UTRN: variants seen among roughly 807,000 people sequenced by gnomAD.
UTRN encodes dystrophin-related protein 1.
A neutral mutation model predicts 463.9 loss-of-function variants in UTRN; 283 were observed. The ratio of observed to expected loss-of-function variants is 0.61; its 90% CI spans 0.55 to 0.67. UTRN has a LOEUF of 0.67. UTRN is among the 30% of genes least tolerant of loss of function. The pLI is 0.00. For missense variants in UTRN, 3,922 were observed against 4,084.3 expected (o/e 0.96, Z 1.08); for synonymous variants, 1,442 against 1,431.5 (o/e 1.01, Z -0.17).
intron 51 of UTRN, among the ~76,000 whole-genome samples, chr6:144,619,314 C>A (rs993747209): frequency 6.6e-6 from 1 of 152,082 alleles, no homozygotes. Flanking sequence ...GTTTTTTATG[C>A]CATCAGGATT....
chr6:144,827,756 A>G (rs1328507739), intron 68 of UTRN, 80 bp downstream of exon 68: 1 of 1,460,634 alleles, frequency 6.8e-7, no homozygotes, highest in Non-Finnish European at 9.4e-7. Flanking sequence ...TATCATTAAT[A>G]TACCTTGATT....
At chr6:144,305,380 G>T (rs1433174285) in intron 2 of UTRN, among the ~76,000 whole-genome samples, 1 of 152,118 alleles carries the variant, frequency 6.6e-6, no homozygotes, top group African/African-American at 2.4e-5. Context: ...ATAAACACTA[G>T]ATTTCTTTAG....
At chr6:144,552,801 G>C (rs545550741) in intron 48 of UTRN, among the ~76,000 whole-genome samples, 59 of 152,056 alleles carry the variant, frequency 3.9e-4, no homozygotes, top group Admixed American at 4.6e-4. Context: ...TGATGTCTTT[G>C]GTTTCATTTG....
chr6:144,794,267 A>G (rs995573167), intron 63 of UTRN, among the ~76,000 whole-genome samples: 47 of 152,180 alleles, frequency 3.1e-4, no homozygotes, highest in Middle Eastern at 3.4e-3. Context: ...CTCATCTCCT[A>G]CCATTCCTCT....
chr6:144,295,777 G>T (rs1185948991), intron 2 of UTRN, among the ~76,000 whole-genome samples: 1 of 152,092 alleles, frequency 6.6e-6, no homozygotes, highest in African/African-American at 2.4e-5. Flanking sequence ...TGCAGATGTG[G>T]TGCTAACAGT....
intron 66 of UTRN, among the ~76,000 whole-genome samples, chr6:144,826,527 A>G (rs1463039999): frequency 6.6e-6 from 1 of 152,052 alleles, no homozygotes; most frequent in African/African-American, 2.4e-5. Flanking sequence ...TTTAATTAGG[A>G]TCAGTTGTTT....
intron 19 of UTRN, among the ~76,000 whole-genome samples, chr6:144,456,066 C>A (rs572322858): frequency 6.6e-6 from 1 of 151,862 alleles, no homozygotes; most frequent in African/African-American, 2.4e-5. Flanking sequence ...ATTAGAGGAC[C>A]CTAATTCTTT....
chr6:144,349,406 ACTCCCAACCAGGAGGATCACAGGAT>A (rs1307340690), intron 2 of UTRN, among the ~76,000 whole-genome samples: 1 of 152,118 alleles, frequency 6.6e-6, no homozygotes, highest in Non-Finnish European at 1.5e-5. Flanking sequence ...TGAGAAGGGG[ACTCCCAACCAGGAGGATCACAGGAT>A]CTCCCAACCA....
chr6:144,809,380 A>G (rs997046746), intron 65 of UTRN, among the ~76,000 whole-genome samples: 1 of 152,136 alleles, frequency 6.6e-6, no homozygotes, highest in Non-Finnish European at 1.5e-5. Flanking sequence ...TAAAAGATGA[A>G]AAGTATATTT....
At chr6:144,352,580 A>C (rs1203521650) in intron 2 of UTRN, among the ~76,000 whole-genome samples, 3 of 152,142 alleles carry the variant, frequency 2.0e-5, no homozygotes, top group South Asian at 4.1e-4. Flanking sequence ...GGAGAATCTT[A>C]TGTTTTATGA....
chr6:144,724,194 G>A (rs1787565015), intron 53 of UTRN, among the ~76,000 whole-genome samples: 1 of 146,302 alleles, frequency 6.8e-6, no homozygotes, highest in African/African-American at 2.5e-5. Flanking sequence ...ACAGAGTTGT[G>A]CACCATTATT....
intron 51 of UTRN, among the ~76,000 whole-genome samples, chr6:144,582,727 GCAGATGAGAATC>G (rs1802086923): frequency 6.6e-6 from 1 of 152,152 alleles, no homozygotes; most frequent in African/African-American, 2.4e-5. Context: ...TTCTAGGCAG[GCAGATGAGAATC>G]CACTGGATCG....
chr6:144,482,357 A>G lies in UTRN; in HGVS notation c.3656A>G (p.Asn1219Ser). ...CTGGAGAATTACCAACTTCTTTGTAATAGAATTCGAGGAAAGTGCCACACG... is the reference window on the plus strand; with the variant it reads ...CTGGAGAATTACCAACTTCTTTGTAGTAGAATTCGAGGAAAGTGCCACACG... Reference protein sequence around the residue: ...VVLENYQLLCNRIRGKCHTLE... With the variant: ...VVLENYQLLCSRIRGKCHTLE... Residue 1219 changes from asparagine to serine, a missense_variant, in exon 27 of 75, where the codon AAT (asparagine) becomes AGT (serine). Physicochemically the swap from Asn to Ser is conservative, Grantham distance 46. Around this residue, in one of 3 missense-constraint regions of UTRN, gnomAD observed 2,349 missense variants for 2,303.8 expected, o/e 1.02. Coordinates refer to ENST00000367545, the MANE Select transcript of UTRN (RefSeq NM_007124.3). The G allele has an allele frequency of 6.3e-7, 1 of 1,598,276 alleles. No homozygotes were observed. Among genetic ancestry groups the G allele is most frequent in the Non-Finnish European group, 8.5e-7 (1 of 1,175,872 alleles).
intron 51 of UTRN, among the ~76,000 whole-genome samples, chr6:144,606,001 T>G (rs1804809030): frequency 6.6e-6 from 1 of 152,214 alleles, no homozygotes; most frequent in South Asian, 2.1e-4. Context: ...TTTAATATAG[T>G]ATATGTTTTG....
intron 24 of UTRN, 99 bp from the exon 25 acceptor site, chr6:144,474,505 C>G: frequency 7.9e-7 from 1 of 1,269,120 alleles, no homozygotes. Context: ...CTTAAGCAGT[C>G]TGCTTGTGTA....
intron 73 of UTRN, among the ~76,000 whole-genome samples, chr6:144,845,671 A>T (rs1337342006): frequency 6.6e-6 from 1 of 152,190 alleles, no homozygotes; most frequent in Non-Finnish European, 1.5e-5. Flanking sequence ...TGTCTGTTTT[A>T]AAAAGAGTGT....
rs1321675825 is a variant in UTRN, at chr6:144,474,900, CA to C, written c.3336+150del. On this transcript the variant is annotated intron_variant, in intron 25 of 74. Transcript: ENST00000367545. ...TCCAGCATGGGTAGTGAGCTGGGGC[CA>C]AAAAAAAAGGCATCATTTTTTAAAT... 1,963 of 838,332 alleles carry C rather than the reference CA, an allele frequency of 2.3e-3. 1 individual carries two copies. Among genetic ancestry groups the C allele is most frequent in the South Asian group, 3.9e-3 (151 of 38,324 alleles). 51.9% of individuals were successfully genotyped at this position (838,332 alleles called of 1,614,324 possible).
chr6:144,562,451 G>A lies in UTRN; in HGVS notation c.7289+5140G>A, dbSNP rs1462394366. 3.9e-5 allele frequency among the ~76,000 whole-genome samples: 6 copies of A among 152,164 alleles called. No individual in the cohort carries two copies. In the East Asian group the frequency reaches 5.8e-4, roughly 15 times the overall value. The stretch of plus-strand genomic sequence containing the variant: ...CTCACATTTATAAGTGAGAACATGC[G>A]GTGTTTGGTTTTCTGTTCCTGCATT... On this transcript the variant is annotated intron_variant, in intron 50 of 74. Coordinates refer to ENST00000367545, the MANE Select transcript of UTRN (RefSeq NM_007124.3).
chr6:144,746,832 C>G (rs1035061591), intron 54 of UTRN, among the ~76,000 whole-genome samples: 1 of 152,138 alleles, frequency 6.6e-6, no homozygotes, highest in African/African-American at 2.4e-5. Flanking sequence ...GCCTATCTAC[C>G]AGTTGTGATG....
Sources: allele counts gnomAD v4.1 joint callset (sites outside exome capture counted in the v4.1 genomes callset), GRCh38; gene constraint gnomAD v4.1.1; regional missense constraint gnomAD v4.1.1; transcripts MANE v1.5; gene names NCBI Gene and HGNC (gene_info 2026-07-23, HGNC 2026-07-21).